MGMT: variants seen among roughly 807,000 people sequenced by gnomAD.
MGMT encodes the protein O-6-methylguanine-DNA methyltransferase, also known as methylated-DNA--protein-cysteine methyltransferase.
A neutral mutation model predicts 15.9 loss-of-function variants in MGMT; 14 were observed. That is an observed-to-expected ratio of 0.88 (90% CI 0.58 to 1.37). The LOEUF is 1.37. Among genes scored for constraint, MGMT ranks in the 40% most tolerant of loss-of-function variants. The pLI, the probability that MGMT is intolerant of heterozygous loss-of-function variation, is 0.00. For missense variants in MGMT, 282 were observed against 268.1 expected (o/e 1.05, Z -0.36); for synonymous variants, 130 against 118.2 (o/e 1.10, Z -0.65).
At chr10:129,697,964 G>A (rs1019578883) in intron 2 of MGMT, among the ~76,000 whole-genome samples, 1 of 152,200 alleles carries the variant, frequency 6.6e-6, no homozygotes, top group African/African-American at 2.4e-5. Context: ...AACTCCAGTG[G>A]CACCAAGCGG....
At chr10:129,548,189 C>T (rs999571969) in intron 2 of MGMT, among the ~76,000 whole-genome samples, 3 of 152,148 alleles carry the variant, frequency 2.0e-5, no homozygotes, top group African/African-American at 4.8e-5. Flanking sequence ...TTCCCTTGTT[C>T]GTCTCTCAAA....
At chr10:129,760,422 G>C (rs1271165343) in intron 4 of MGMT, among the ~76,000 whole-genome samples, 1 of 152,244 alleles carries the variant, frequency 6.6e-6, no homozygotes, top group Non-Finnish European at 1.5e-5. Flanking sequence ...CATACCATCT[G>C]ATCAGGGAGC....
chr10:129,770,714 GTTTTA>G lies in MGMT; in HGVS notation c.*3723_*3727del, dbSNP rs1343746076. ...TTCATGTATGAGCAAGGGGGAAAGTGTTTTATTTTACTAGGAAGATTTTACTGAAA... is the reference window on the plus strand; with the variant it reads ...TTCATGTATGAGCAAGGGGGAAAGTGTTTTACTAGGAAGATTTTACTGAAA... On this transcript the variant is annotated 3_prime_UTR_variant, in exon 5 of 5. Transcript: ENST00000651593. 2.6e-5 allele frequency among the ~76,000 whole-genome samples: 4 copies of G among 152,234 alleles called. No individual in the cohort carries two copies. Among genetic ancestry groups the G allele is most frequent in the African/African-American group, 9.7e-5 (4 of 41,450 alleles).
chr10:129,627,953 C>T (rs1324929762), intron 2 of MGMT, among the ~76,000 whole-genome samples: 1 of 152,126 alleles, frequency 6.6e-6, no homozygotes, highest in East Asian at 1.9e-4. Context: ...CTTTGTTGTT[C>T]CAAGTTATTA....
Position 129,699,009 on chromosome 10 carries a change from A to C in MGMT, c.126-8886A>C, listed in dbSNP as rs570467065. Among the ~76,000 whole-genome samples the C allele has an allele frequency of 1.1e-4, 16 of 152,322 alleles. No individual in the cohort carries two copies. The East Asian group carries it at 1.9e-3, about 18-fold the overall frequency. Reference sequence around the variant, plus strand: ...AAGCTTTTGAATAAAATTTAACTAGATTGCTCTGCATCCTGTAATTGTTTT... The same window carrying C: ...AAGCTTTTGAATAAAATTTAACTAGCTTGCTCTGCATCCTGTAATTGTTTT... On this transcript the variant is annotated intron_variant, in intron 2 of 4. Coordinates refer to ENST00000651593, the MANE Select transcript of MGMT (RefSeq NM_002412.5).
intron 3 of MGMT, among the ~76,000 whole-genome samples, chr10:129,726,147 A>G (rs1174447957): frequency 6.6e-6 from 1 of 152,050 alleles, no homozygotes; most frequent in Non-Finnish European, 1.5e-5. Context: ...GGCCTCTGCC[A>G]AGTGCTTTGT....
At chr10:129,547,344 G>A (rs1417626169) in intron 2 of MGMT, among the ~76,000 whole-genome samples, 1 of 151,912 alleles carries the variant, frequency 6.6e-6, no homozygotes, top group African/African-American at 2.4e-5. Context: ...CATACACATC[G>A]GCAGGAGACT....
Position 129,555,311 on chromosome 10 carries a change from C to T in MGMT, c.125+18934C>T, listed in dbSNP as rs368553742. Among the ~76,000 whole-genome samples the T allele has an allele frequency of 2.5e-3, 388 of 152,342 alleles. 3 individuals are homozygous for T. Among genetic ancestry groups the T allele is most frequent in the Non-Finnish European group, 4.0e-3 (274 of 68,032 alleles). On this transcript the variant is annotated intron_variant, in intron 2 of 4. Coordinates refer to ENST00000651593, the MANE Select transcript of MGMT (RefSeq NM_002412.5). ...GCTCTGCCCGAGCGCTGTTCTCCTT[C>T]CGTGCCGTGCTGTCTGCTGTGAGTC...
intron 1 of MGMT, among the ~76,000 whole-genome samples, chr10:129,498,001 A>G (rs1262465274): frequency 6.6e-6 from 1 of 152,248 alleles, no homozygotes; most frequent in Non-Finnish European, 1.5e-5. Flanking sequence ...AACCAGAAGG[A>G]ACTAAGACGT....
intron 3 of MGMT, among the ~76,000 whole-genome samples, chr10:129,714,989 G>T (rs1475671688): frequency 2.6e-5 from 4 of 152,150 alleles, no homozygotes; most frequent in Non-Finnish European, 5.9e-5. Flanking sequence ...AGGTGGCCAG[G>T]TCCTTAGTTC....
Position 129,767,311 on chromosome 10 carries a change from G to A in MGMT, c.*314G>A. 2 of 222,658 alleles carry A rather than the reference G, an allele frequency of 9.0e-6. No individual in the cohort carries two copies. The highest frequency in any genetic ancestry group is 1.8e-5 in the Non-Finnish European group (2 of 114,054). 13.8% of individuals were successfully genotyped at this position (222,658 alleles called of 1,614,324 possible). A position where few individuals can be genotyped will look rare whatever the true frequency, so the allele number is the denominator to read the frequency against. On this transcript the variant is annotated 3_prime_UTR_variant, in exon 5 of 5. Transcript: ENST00000651593. Reference sequence around the variant, plus strand: ...AGTCTGGCACCCTCAGGCCACAGACGGCTGCCATAGCCGCTGTCCAGGGCC... The same window carrying A: ...AGTCTGGCACCCTCAGGCCACAGACAGCTGCCATAGCCGCTGTCCAGGGCC...
chr10:129,642,202 C>A (rs927014339), intron 2 of MGMT, among the ~76,000 whole-genome samples: 1 of 151,160 alleles, frequency 6.6e-6, no homozygotes, highest in Non-Finnish European at 1.5e-5. Context: ...CTCACACAAC[C>A]CCGCACCTGG....
chr10:129,721,126 C>T (rs561512211), intron 3 of MGMT, among the ~76,000 whole-genome samples: 11 of 152,160 alleles, frequency 7.2e-5, no homozygotes, highest in African/African-American at 1.2e-4. Flanking sequence ...AACTGACTTA[C>T]GAGGTATAAA....
chr10:129,593,043 G>A (rs964873402), intron 2 of MGMT, among the ~76,000 whole-genome samples: 5 of 152,148 alleles, frequency 3.3e-5, no homozygotes, highest in Admixed American at 1.3e-4. Context: ...TGGTGGCCTC[G>A]GGGATGCTGC....
intron 1 of MGMT, among the ~76,000 whole-genome samples, chr10:129,535,874 AGTT>A (rs765633208): frequency 4.6e-5 from 7 of 152,348 alleles, no homozygotes; most frequent in Non-Finnish European, 8.8e-5. Flanking sequence ...TGTCTGTGGT[AGTT>A]GTTTTATTAA....
chr10:129,759,405 C>G lies in MGMT; in HGVS notation c.414+64C>G, dbSNP rs1848845622. 1.7e-5 allele frequency: 28 copies of G among 1,607,960 alleles called. No homozygotes were observed. In the South Asian group the frequency reaches 1.8e-4, roughly 10 times the overall value. On this transcript the variant is annotated intron_variant, in intron 4 of 4. Coordinates refer to ENST00000651593, the MANE Select transcript of MGMT (RefSeq NM_002412.5). ...GTGCGTGCAGGTGGCAGGGTGTCAT[C>G]TGATCCCACGTGTTTCCTCGGAAGG...
rs952939023 is a variant in MGMT at position 129,690,616 on chromosome 10, G to A, written c.126-17279G>A. On this transcript the variant is annotated intron_variant, in intron 2 of 4. Coordinates refer to ENST00000651593, the MANE Select transcript of MGMT (RefSeq NM_002412.5). ...CTGGTCCTGAGGTGACCCTCTGGCC[G>A]CAGGAGAGCTGGAAAGGTGCCAGCC... Among the ~76,000 whole-genome samples, 7 of 152,334 alleles carry A rather than the reference G, an allele frequency of 4.6e-5. No homozygotes were observed. The South Asian group carries it at 1.0e-3, about 23-fold the overall frequency.
intron 2 of MGMT, among the ~76,000 whole-genome samples, chr10:129,616,886 T>C (rs1212289114): frequency 6.6e-6 from 1 of 152,160 alleles, no homozygotes; most frequent in Non-Finnish European, 1.5e-5. Flanking sequence ...GAGGTGGTCA[T>C]GGTCACTCGC....
rs191598729 is a variant in MGMT, at chr10:129,612,386, T to C, written c.125+76009T>C. ...CCACTTCCCGTCATGCCTGAAACAG[T>C]CTCTCAGGTTACATTTTGAAAGAGC... is the stretch of plus-strand genomic sequence containing the variant. On this transcript the variant is annotated intron_variant, in intron 2 of 4. Transcript: ENST00000651593. Among the ~76,000 whole-genome samples, 491 of 152,328 alleles carry C rather than the reference T, an allele frequency of 3.2e-3. 2 individuals carry two copies. The highest frequency in any genetic ancestry group is 0.012 in the South Asian group (57 of 4,830).
Sources: gnomAD v4.1 joint callset for allele counts (sites outside exome capture counted in the v4.1 genomes callset) on GRCh38, gnomAD v4.1.1 for gene constraint, MANE v1.5 for transcripts, NCBI Gene and HGNC (gene_info 2026-07-23, HGNC 2026-07-21) for gene names.